SAP130: variants seen among roughly 807,000 people sequenced by gnomAD.
The protein encoded by SAP130 is histone deacetylase complex subunit SAP130.
SAP130 carries 16 observed loss-of-function variants against 103.2 expected under a neutral mutation model. That is an observed-to-expected ratio of 0.16 (90% CI 0.10 to 0.24). The LOEUF (loss-of-function observed/expected upper bound fraction) is 0.24. Among genes scored for constraint, SAP130 ranks in the 10% least tolerant of loss-of-function variants. The probability of loss-of-function intolerance (pLI) is 1.00; values close to 1 mark genes in which losing one functional copy is unlikely to be tolerated. For synonymous variants in SAP130, 477 were observed against 497.0 expected (o/e 0.96, Z 0.53); for missense variants, 990 against 1,359.7 (o/e 0.73, Z 4.28).
At chr2:127,968,585 C>T (rs1292383867) in intron 15 of SAP130, among the ~76,000 whole-genome samples, 5 of 151,774 alleles carry the variant, frequency 3.3e-5, no homozygotes, top group East Asian at 3.9e-4. Flanking sequence ...TGCAGTGGTA[C>T]GATCTTGGCT....
chr2:127,951,339 A>G (rs1164053997), intron 16 of SAP130, among the ~76,000 whole-genome samples: 1 of 151,962 alleles, frequency 6.6e-6, no homozygotes, highest in East Asian at 1.9e-4. Context: ...TACTTGCCCT[A>G]TTTTCCTCTA....
rs1451952244 is a variant in SAP130 at position 127,953,796 on chromosome 2, C to T, written c.2422+1190G>A. On this transcript the variant is annotated intron_variant, in intron 16 of 20. Transcript: ENST00000643581. The surrounding 1 kb of genome is among the most constrained non-coding windows in gnomAD (Gnocchi z 4.0). ...TGAGGCTTTCTCCTAAAACTCTTTA[C>T]ACACATTCCAGCCCTGGCTACAGCT... 1.3e-5 allele frequency among the ~76,000 whole-genome samples: 2 copies of T among 152,186 alleles called. No individual in the cohort carries two copies. Among genetic ancestry groups the T allele is most frequent in the African/African-American group, 2.4e-5 (1 of 41,450 alleles).
At chr2:128,011,630 C>T (rs879571464) in intron 6 of SAP130, among the ~76,000 whole-genome samples, 6 of 152,148 alleles carry the variant, frequency 3.9e-5, no homozygotes, top group African/African-American at 7.2e-5. Context: ...AATACTCCTC[C>T]GACTCTGTTT....
chr2:128,007,880 C>CATCT (rs1444287991), intron 7 of SAP130, among the ~76,000 whole-genome samples: 1 of 152,200 alleles, frequency 6.6e-6, no homozygotes, highest in Admixed American at 6.5e-5. Context: ...CTAGCACAGA[C>CATCT]ATCTCTTCAA....
Position 127,941,763 on chromosome 2 carries a change from G to T in SAP130, c.*243C>A. ...ACTGGTGGACACTGATGCATCCGGA[G>T]TCACTTATGACACAGATCAGGTTTA... On this transcript the variant is annotated 3_prime_UTR_variant, in exon 21 of 21. Transcript: ENST00000643581. The T allele has an allele frequency of 2.0e-6, 1 of 493,988 alleles. No individual in the cohort carries two copies. Among genetic ancestry groups the T allele is most frequent in the Admixed American group, 4.1e-5 (1 of 24,188 alleles). 30.6% of individuals were successfully genotyped at this position (493,988 alleles called of 1,614,324 possible).
intron 1 of SAP130, 90 bp from the exon 2 acceptor site, chr2:128,026,388 AGT>A: frequency 1.2e-6 from 1 of 856,414 alleles, no homozygotes; most frequent in African/African-American, 1.7e-5. Flanking sequence ...CCTATGAGAT[AGT>A]CCCTTGGAAA....
At chr2:128,003,950 AG>A (rs1255611612) in intron 7 of SAP130, among the ~76,000 whole-genome samples, 1 of 112,256 alleles carries the variant, frequency 8.9e-6, no homozygotes, top group African/African-American at 3.5e-5. Context: ...GTTCTCCCAC[AG>A]ATCAGCTTTT....
chr2:127,988,527 A>G (rs1336910479), intron 13 of SAP130, among the ~76,000 whole-genome samples: 1 of 151,884 alleles, frequency 6.6e-6, no homozygotes, highest in Non-Finnish European at 1.5e-5. Context: ...ATAATAATCC[A>G]AGTACATGGA....
chr2:127,960,874 T>C (rs1379732603), intron 15 of SAP130, among the ~76,000 whole-genome samples: 1 of 152,218 alleles, frequency 6.6e-6, no homozygotes, highest in African/African-American at 2.4e-5. Context: ...ATTTTAGAGA[T>C]GCTATGGTTT....
chr2:128,014,143 A>G (rs1373425566), intron 5 of SAP130, among the ~76,000 whole-genome samples: 1 of 152,212 alleles, frequency 6.6e-6, no homozygotes, highest in East Asian at 1.9e-4. Flanking sequence ...AAATATACAC[A>G]CTTGTAATAC....
At chr2:128,001,770 A>G (rs1161784960) in intron 7 of SAP130, among the ~76,000 whole-genome samples, 2 of 152,152 alleles carry the variant, frequency 1.3e-5, no homozygotes, top group African/African-American at 2.4e-5. Flanking sequence ...TTTGCATGTC[A>G]AGACTGCCTA....
chr2:127,985,602 C>T (rs938279440), intron 14 of SAP130, among the ~76,000 whole-genome samples: 1 of 152,100 alleles, frequency 6.6e-6, no homozygotes, highest in African/African-American at 2.4e-5. Flanking sequence ...CCTTACTACA[C>T]TTCAGAATTT....
chr2:127,946,521 T>C (rs1265670033), intron 18 of SAP130, among the ~76,000 whole-genome samples: 2 of 152,304 alleles, frequency 1.3e-5, no homozygotes, highest in East Asian at 3.9e-4. Context: ...GCTTTTGTTG[T>C]GGGTTGAATG....
In SAP130 at chr2:127,942,342, CGGG is replaced by C. The variant is rs1021092757; in HGVS notation, c.3015+79_3015+81del. 8.9e-7 allele frequency: 1 copy of C among 1,121,288 alleles called. No individual in the cohort carries two copies. The highest frequency in any genetic ancestry group is 1.3e-6 in the Non-Finnish European group (1 of 742,140). 69.5% of individuals were successfully genotyped at this position (1,121,288 alleles called of 1,614,324 possible). ...GTTTTTACTGAAGATATGAGGGAGA[CGGG>C]GGGAAACGGGAGAAGTAGGGCTTTA... On this transcript the variant is annotated intron_variant, in intron 20 of 20. Coordinates refer to ENST00000643581, the MANE Select transcript of SAP130 (RefSeq NM_001330301.2). This position sits in a 1 kb window ranked among gnomAD's most constrained non-coding sequence, Gnocchi z 4.8.
chr2:128,026,178 C>T lies in SAP130; in HGVS notation c.112+3G>A. 6.3e-7 allele frequency: 1 copy of T among 1,591,634 alleles called. No homozygotes were observed. The highest frequency in any genetic ancestry group is 1.1e-5 in the South Asian group (1 of 90,554). On this transcript the variant is annotated splice_donor_region_variant and intron_variant, in intron 2 of 20. Coordinates refer to ENST00000643581, the MANE Select transcript of SAP130 (RefSeq NM_001330301.2). ...AAATATATTAGAATATTACATATCTCACCTGTAGCAGCTGGGTTTATCAAT... is the reference window on the plus strand; with the variant it reads ...AAATATATTAGAATATTACATATCTTACCTGTAGCAGCTGGGTTTATCAAT...
At position 128,016,376 on chromosome 2, in the gene SAP130, A is replaced by G. The variant is rs762502735; in HGVS notation, c.507+13T>C. Reference sequence around the variant, plus strand: ...TTCAGTTTGAAAATCAGCAAATTAAAAGGAAGAAAAACCTGTTGTCCACTG... The same window carrying G: ...TTCAGTTTGAAAATCAGCAAATTAAGAGGAAGAAAAACCTGTTGTCCACTG... On this transcript the variant is annotated intron_variant, in intron 4 of 20. Transcript: ENST00000643581. 2 of 1,602,806 alleles carry G rather than the reference A, an allele frequency of 1.2e-6. No individual in the cohort carries two copies. Among genetic ancestry groups the G allele is most frequent in the Non-Finnish European group, 1.7e-6 (2 of 1,174,472 alleles).
At position 128,017,491 on chromosome 2, in the gene SAP130, G is replaced by T. The variant is rs558129677; in HGVS notation, c.348+189C>A. Among the ~76,000 whole-genome samples, 4 of 152,220 alleles carry T rather than the reference G, an allele frequency of 2.6e-5. No homozygotes were observed. In the South Asian group the frequency reaches 6.2e-4, roughly 24 times the overall value. ...CAGCAAAGATCCTATGATGCCAACT[G>T]CCCAGCAGCACAAGACAAGGCACTG... On this transcript the variant is annotated intron_variant, in intron 3 of 20. Coordinates refer to ENST00000643581, the MANE Select transcript of SAP130 (RefSeq NM_001330301.2).
At chr2:127,991,658 A>G (rs1395204818) in intron 12 of SAP130, among the ~76,000 whole-genome samples, 2 of 152,112 alleles carry the variant, frequency 1.3e-5, no homozygotes, top group Non-Finnish European at 2.9e-5. Flanking sequence ...GATATTTTAC[A>G]TTCTCTTTTC....
chr2:127,995,710 C>T (rs1683134034), intron 11 of SAP130, among the ~76,000 whole-genome samples: 1 of 152,054 alleles, frequency 6.6e-6, no homozygotes, highest in Non-Finnish European at 1.5e-5. Flanking sequence ...CAGATATTTC[C>T]ATACAGATTA....
Sources: allele counts gnomAD v4.1 joint callset (sites outside exome capture counted in the v4.1 genomes callset), GRCh38; gene constraint gnomAD v4.1.1; non-coding constraint Gnocchi (gnomAD v3.1); transcripts MANE v1.5; gene names NCBI Gene and HGNC (gene_info 2026-07-23, HGNC 2026-07-21).